FGF18: variants seen among roughly 807,000 people sequenced by gnomAD.
The protein encoded by FGF18 is fibroblast growth factor 18.
A neutral mutation model predicts 23.0 loss-of-function variants in FGF18; 5 were observed. That is an observed-to-expected ratio of 0.22 (90% CI 0.11 to 0.46). The LOEUF (loss-of-function observed/expected upper bound fraction) is 0.46. FGF18 is among the 20% of genes least tolerant of loss of function. FGF18 has a pLI of 0.99. For missense variants in FGF18, 180 were observed against 291.6 expected, an observed-to-expected ratio of 0.62 and a Z score of 2.79; for synonymous variants, 117 against 118.9, an observed-to-expected ratio of 0.98 and a Z score of 0.10.
intron 3 of FGF18, among the ~76,000 whole-genome samples, chr5:171,446,900 G>A (rs1014580537): frequency 6.6e-6 from 1 of 152,200 alleles, no homozygotes; most frequent in Non-Finnish European, 1.5e-5. Flanking sequence ...CAAGGATGCT[G>A]GGAAGTTCAG....
chr5:171,451,156 G>A lies in FGF18; in HGVS notation c.357+1903G>A, dbSNP rs1020299912. On this transcript the variant is annotated intron_variant, in intron 4 of 4. Transcript: ENST00000274625. The surrounding 1 kb of genome is among the most constrained non-coding windows in gnomAD (Gnocchi z 4.5). ...TTCCTGCCCCCTCGCCCTCTCTCCC[G>A]TCATTAATATTGGTGACGGTTCAGC... 7.0e-6 allele frequency among the ~76,000 whole-genome samples: 1 copy of A among 142,512 alleles called. No individual in the cohort carries two copies. The highest frequency in any genetic ancestry group is 2.6e-5 in the African/African-American group (1 of 38,292). 93.5% of individuals were successfully genotyped at this position (142,512 alleles called of 152,430 possible).
rs74578427 is a variant in FGF18 at position 171,455,147 on chromosome 5, A to G, written c.358-1392A>G. On this transcript the variant is annotated intron_variant, in intron 4 of 4. Transcript: ENST00000274625. ...CCTGAGGTTACACAAGGGAAGTGTT[A>G]GAGGTCGTTTGTTTTCTGACTCCAA... 8.6e-3 allele frequency among the ~76,000 whole-genome samples: 1,317 copies of G among 152,326 alleles called. 13 individuals are homozygous for G. Among genetic ancestry groups the G allele is most frequent in the Non-Finnish European group, 0.014 (940 of 68,030 alleles).
chr5:171,454,847 A>G (rs1340664959), intron 4 of FGF18, among the ~76,000 whole-genome samples: 1 of 152,186 alleles, frequency 6.6e-6, no homozygotes, highest in Non-Finnish European at 1.5e-5. Context: ...AGGCCTTCCA[A>G]CTTTGTGTTT....
intron 2 of FGF18, among the ~76,000 whole-genome samples, 170 bp from the exon 3 acceptor site, chr5:171,435,923 G>A (rs959376349): frequency 4.6e-5 from 7 of 152,200 alleles, no homozygotes; most frequent in African/African-American, 1.7e-4. Context: ...AGCCCCGGTT[G>A]CCTTGTCTTT....
Position 171,451,297 on chromosome 5 carries a change from T to A in FGF18, c.357+2044T>A, listed in dbSNP as rs1251322075. 2.6e-5 allele frequency among the ~76,000 whole-genome samples: 4 copies of A among 151,826 alleles called. No individual in the cohort carries two copies. The highest frequency in any genetic ancestry group is 4.4e-5 in the Non-Finnish European group (3 of 67,930). Reference sequence around the variant, plus strand: ...CAACCCTTGCCAGCCTCCTGTCTTCTGGGCCCACCCGGGGGACTCGAGGAC... The same window carrying A: ...CAACCCTTGCCAGCCTCCTGTCTTCAGGGCCCACCCGGGGGACTCGAGGAC... On this transcript the variant is annotated intron_variant, in intron 4 of 4. Coordinates refer to ENST00000274625, the MANE Select transcript of FGF18 (RefSeq NM_003862.3). This position sits in a 1 kb window ranked among gnomAD's most constrained non-coding sequence, Gnocchi z 4.5.
intron 3 of FGF18, among the ~76,000 whole-genome samples, chr5:171,446,318 G>T (rs1051268165): frequency 6.6e-6 from 1 of 152,132 alleles, no homozygotes; most frequent in Non-Finnish European, 1.5e-5. Context: ...CGGTGGCCCT[G>T]GCTGGTGAGG....
At chr5:171,453,689 G>A (rs77980434) in intron 4 of FGF18, among the ~76,000 whole-genome samples, 2,517 of 152,258 alleles carry the variant, frequency 0.017, 35 homozygotes, top group Non-Finnish European at 0.028. Context: ...ATGCAGTAAT[G>A]GAAGTAGCAA....
At chr5:171,443,532 T>TTTTTTTTTTTG (rs869156904) in intron 3 of FGF18, among the ~76,000 whole-genome samples, 2 of 106,890 alleles carry the variant, frequency 1.9e-5, no homozygotes, top group Non-Finnish European at 3.8e-5. Context: ...TTTTTTTTTT[T>TTTTTTTTTTTG]AGCAGAGACA....
chr5:171,432,237 CAGG>C (rs1413729587), intron 2 of FGF18, among the ~76,000 whole-genome samples: 1 of 152,094 alleles, frequency 6.6e-6, no homozygotes, highest in Non-Finnish European at 1.5e-5. Context: ...GCTAGTAGGA[CAGG>C]AGAAGTGGAT....
intron 2 of FGF18, among the ~76,000 whole-genome samples, chr5:171,424,297 C>G (rs1034104109): frequency 1.3e-5 from 2 of 152,214 alleles, no homozygotes; most frequent in African/African-American, 2.4e-5. Context: ...ACATCTTCCT[C>G]CCGTTTAGCA....
chr5:171,445,110 G>A (rs972841364), intron 3 of FGF18, among the ~76,000 whole-genome samples: 1 of 152,232 alleles, frequency 6.6e-6, no homozygotes, highest in South Asian at 2.1e-4. Flanking sequence ...CCTAGGAGAT[G>A]AGGAGCCACT....
intron 2 of FGF18, among the ~76,000 whole-genome samples, chr5:171,425,108 T>G (rs1022569742): frequency 5.3e-5 from 8 of 152,166 alleles, no homozygotes; most frequent in Admixed American, 3.3e-4. Flanking sequence ...GCAGGGCCTT[T>G]TGGTTCTGAC....
intron 2 of FGF18, among the ~76,000 whole-genome samples, chr5:171,423,445 C>T (rs1353105096): frequency 6.6e-6 from 1 of 152,222 alleles, no homozygotes; most frequent in Non-Finnish European, 1.5e-5. Flanking sequence ...GTTCCTGCCG[C>T]CAGGCTCGGC....
At chr5:171,450,264 A>G (rs1772478902) in intron 4 of FGF18, among the ~76,000 whole-genome samples, 1 of 152,240 alleles carries the variant, frequency 6.6e-6, no homozygotes, top group East Asian at 1.9e-4. Context: ...TGAATCCCCC[A>G]AGTCTTATCC....
chr5:171,441,122 GGT>G (rs1202682281), intron 3 of FGF18, among the ~76,000 whole-genome samples: 2 of 152,314 alleles, frequency 1.3e-5, no homozygotes, highest in East Asian at 3.9e-4. Context: ...CTGAGTTGGT[GGT>G]GGAGCTGGGA....
Position 171,436,301 on chromosome 5 carries a change from C to A in FGF18, c.250+28C>A. ...ATGTGCCAACCCTCTCCTCCTACTC[C>A]GTGTACCCGTGTACATGTCCTTCCT... On this transcript the variant is annotated intron_variant, in intron 3 of 4. Coordinates refer to ENST00000274625, the MANE Select transcript of FGF18 (RefSeq NM_003862.3). The surrounding 1 kb of genome is among the most constrained non-coding windows in gnomAD (Gnocchi z 4.4). 6.9e-7 allele frequency: 1 copy of A among 1,454,676 alleles called. No individual in the cohort carries two copies. Among genetic ancestry groups the A allele is most frequent in the East Asian group, 2.6e-5 (1 of 38,260 alleles). The allele number at this position is 1,454,676 out of a possible 1,614,324, so 90.1% of individuals were successfully genotyped here.
chr5:171,428,039 A>G (rs1772122788), intron 2 of FGF18, among the ~76,000 whole-genome samples: 1 of 152,130 alleles, frequency 6.6e-6, no homozygotes, highest in Non-Finnish European at 1.5e-5. Context: ...CGGGGGAGGC[A>G]CTTGGCATAG....
At chr5:171,442,888 C>T (rs1462761574) in intron 3 of FGF18, among the ~76,000 whole-genome samples, 1 of 152,234 alleles carries the variant, frequency 6.6e-6, no homozygotes, top group Non-Finnish European at 1.5e-5. Context: ...TCTGTCATCA[C>T]CAGCCTGCGT....
At chr5:171,453,510 T>C (rs1372370197) in intron 4 of FGF18, among the ~76,000 whole-genome samples, 1 of 152,072 alleles carries the variant, frequency 6.6e-6, no homozygotes, top group Non-Finnish European at 1.5e-5. Context: ...TCCTCACCTT[T>C]CCCCCTTGTG....
Sources: allele counts gnomAD v4.1 joint callset (sites outside exome capture counted in the v4.1 genomes callset), GRCh38; gene constraint gnomAD v4.1.1; non-coding constraint Gnocchi (gnomAD v3.1); transcripts MANE v1.5; gene names NCBI Gene and HGNC (gene_info 2026-07-23, HGNC 2026-07-21).